The following KCNG3 variants were observed in gnomAD, a reference collection of about 807,000 sequenced individuals.
KCNG3 encodes potassium voltage-gated channel modifier subfamily G member 3.
In KCNG3, 15 loss-of-function variants were observed where a neutral mutation model predicts 29.0. The ratio of observed to expected loss-of-function variants is 0.52; its 90% confidence interval spans 0.35 to 0.80. KCNG3 has a LOEUF of 0.80. KCNG3 is among the 30% of genes least tolerant of loss of function. KCNG3 has a pLI of 0.01. For synonymous variants in KCNG3, 322 were observed against 248.9 expected (o/e 1.29, Z -2.76); for missense variants, 512 against 605.7 (o/e 0.85, Z 1.62).
chr2:42,416,119 G>A, the KCNG3 span, among the ~76,000 whole-genome samples: 9 of 151,928 alleles, frequency 5.9e-5, no homozygotes, highest in East Asian at 3.9e-4. Context: ...GCTGAGGCAC[G>A]AGAGTCACTA....
chr2:42,447,607 C>G (rs1672634090), intron 1 of KCNG3, among the ~76,000 whole-genome samples: 1 of 152,036 alleles, frequency 6.6e-6, no homozygotes, highest in Admixed American at 6.5e-5. Flanking sequence ...CCTCAAATGC[C>G]CAGGCTCAAG....
chr2:42,439,587 T>TAA (rs559704421), downstream of KCNG3, among the ~76,000 whole-genome samples: 2 of 122,866 alleles, frequency 1.6e-5, no homozygotes, highest in East Asian at 2.3e-4. Context: ...ATTCAAACGT[T>TAA]AAAAAAAAAA....
At chr2:42,470,261 G>T in intron 1 of KCNG3, 1 of 389,160 alleles carries the variant, frequency 2.6e-6, no homozygotes, top group South Asian at 3.0e-5. Flanking sequence ...TGTCCTGGTC[G>T]CATAAATTTG....
the KCNG3 span, among the ~76,000 whole-genome samples, chr2:42,415,862 T>C: frequency 3.9e-5 from 6 of 152,236 alleles, no homozygotes; most frequent in Non-Finnish European, 7.3e-5. Context: ...TTGCATGATC[T>C]TACTCATATG....
chr2:42,407,341 A>G, the KCNG3 span, among the ~76,000 whole-genome samples: 1 of 152,050 alleles, frequency 6.6e-6, no homozygotes, highest in African/African-American at 2.4e-5. Flanking sequence ...ACACCCAGCT[A>G]ATATTTTTAG....
intron 1 of KCNG3, among the ~76,000 whole-genome samples, chr2:42,484,513 T>G (rs1021006198): frequency 6.6e-6 from 1 of 152,184 alleles, no homozygotes. Flanking sequence ...TGTGTGTATA[T>G]ATATGTAATT....
intron 1 of KCNG3, chr2:42,470,041 CA>C: frequency 2.0e-6 from 1 of 503,144 alleles, no homozygotes; most frequent in Non-Finnish European, 3.6e-6. Flanking sequence ...TTCTTAAGTC[CA>C]AAGGACTTGC....
At chr2:42,408,433 C>T in the KCNG3 span, among the ~76,000 whole-genome samples, 14 of 152,178 alleles carry the variant, frequency 9.2e-5, no homozygotes, top group African/African-American at 3.1e-4. Context: ...TCAGCTAGAG[C>T]TGGGCAGACC....
intron 1 of KCNG3, among the ~76,000 whole-genome samples, chr2:42,450,009 C>T (rs1672710269): frequency 6.6e-6 from 1 of 152,166 alleles, no homozygotes; most frequent in African/African-American, 2.4e-5. Context: ...GCCTCACCAT[C>T]AAGTGGCAGA....
Position 42,444,315 on chromosome 2 carries a change from C to G in KCNG3, c.930G>C (p.Gln310His). 6.2e-7 allele frequency: 1 copy of G among 1,614,206 alleles called. No homozygotes were observed. The highest frequency in any genetic ancestry group is 8.5e-7 in the Non-Finnish European group (1 of 1,180,030). ...AACGTTTGAGAGTCAAACCGAGTGT[C>G]TGAAGACCAATGAAGTGACGGGCAA... ...IKLARHFIGL[Q>H]TLGLTLKRCY... The change falls in exon 2 of 2, where the codon CAG becomes CAC. Residue 310 changes from glutamine to histidine, a missense_variant. Around this residue, in one of 5 missense-constraint regions of KCNG3, gnomAD observed 173 missense variants for 262.4 expected, o/e 0.66. Coordinates refer to ENST00000306078, the MANE Select transcript of KCNG3 (RefSeq NM_133329.6). The surrounding 1 kb of genome is among the most constrained non-coding windows in gnomAD (Gnocchi z 5.8).
At chr2:42,479,560 C>T (rs989661705) in intron 1 of KCNG3, among the ~76,000 whole-genome samples, 4 of 150,842 alleles carry the variant, frequency 2.7e-5, no homozygotes, top group African/African-American at 9.8e-5. Context: ...GCAGGAGGGT[C>T]GCTTGAGCTC....
chr2:42,492,665 G>C (rs1453331978), intron 1 of KCNG3, among the ~76,000 whole-genome samples, 172 bp downstream of exon 1: 1 of 152,112 alleles, frequency 6.6e-6, no homozygotes, highest in South Asian at 2.1e-4. Context: ...CCGGACAACG[G>C]GGTAGGAGTG....
chr2:42,466,308 A>C (rs531534614), intron 1 of KCNG3, among the ~76,000 whole-genome samples: 1 of 152,182 alleles, frequency 6.6e-6, no homozygotes. Context: ...CGGGAGGCTG[A>C]GGCAGGAGAA....
intron 1 of KCNG3, among the ~76,000 whole-genome samples, chr2:42,477,364 CAT>C (rs560697152): frequency 7.8e-4 from 104 of 132,594 alleles, no homozygotes; most frequent in African/African-American, 2.9e-3. Context: ...TGTGTATATA[CAT>C]ATATATACAC....
intron 1 of KCNG3, among the ~76,000 whole-genome samples, chr2:42,489,995 T>C (rs1391026276): frequency 6.6e-6 from 1 of 152,190 alleles, no homozygotes; most frequent in South Asian, 2.1e-4. Context: ...ACAGAACACA[T>C]GTACCACATG....
chr2:42,492,059 C>A (rs2103618100), intron 1 of KCNG3, among the ~76,000 whole-genome samples: 1 of 152,194 alleles, frequency 6.6e-6, no homozygotes, highest in African/African-American at 2.4e-5. Flanking sequence ...GAAAAGACTG[C>A]AATATTTTCC....
chr2:42,399,469 G>C, the KCNG3 span, among the ~76,000 whole-genome samples: 1 of 152,186 alleles, frequency 6.6e-6, no homozygotes, highest in Non-Finnish European at 1.5e-5. Flanking sequence ...TTCAGTCAGA[G>C]CTACTGACAT....
chr2:42,426,129 A>C, the KCNG3 span, among the ~76,000 whole-genome samples: 13 of 152,140 alleles, frequency 8.5e-5, no homozygotes, highest in Non-Finnish European at 1.9e-4. Context: ...TCCAACCATA[A>C]ATTAATCAAA....
intron 1 of KCNG3, among the ~76,000 whole-genome samples, chr2:42,476,283 G>A (rs532198403): frequency 6.6e-6 from 1 of 151,562 alleles, no homozygotes; most frequent in South Asian, 2.1e-4. Context: ...ACCAGCCTGG[G>A]CAACATAGAG....
Sources: gnomAD v4.1 joint callset for allele counts (sites outside exome capture counted in the v4.1 genomes callset) on GRCh38, gnomAD v4.1.1 for gene constraint, gnomAD v4.1.1 regional missense constraint, Gnocchi (gnomAD v3.1) non-coding constraint, MANE v1.5 for transcripts, NCBI Gene and HGNC (gene_info 2026-07-23, HGNC 2026-07-21) for gene names.